The following ATP2B2 variants were observed in gnomAD, a reference collection of about 807,000 sequenced individuals.
The protein encoded by ATP2B2 is plasma membrane calcium-transporting ATPase 2.
ATP2B2 carries 15 observed loss-of-function variants against 120.0 expected under a neutral mutation model. The ratio of observed to expected loss-of-function variants is 0.12; its 90% confidence interval spans 0.08 to 0.19. The LOEUF (loss-of-function observed/expected upper bound fraction) is 0.19. Among genes scored for constraint, ATP2B2 ranks in the 10% least tolerant of loss-of-function variants. The pLI is 1.00. For missense variants in ATP2B2, 1,045 were observed against 1,719.8 expected, an observed-to-expected ratio of 0.61 and a Z score of 6.94; for synonymous variants, 694 against 700.3, an observed-to-expected ratio of 0.99 and a Z score of 0.14.
chr3:10,568,293 C>T (rs1472461249), intron 2 of ATP2B2, among the ~76,000 whole-genome samples: 2 of 152,204 alleles, frequency 1.3e-5, no homozygotes, highest in African/African-American at 2.4e-5. Flanking sequence ...GCTTGCTCAT[C>T]CAGTGCCATA....
chr3:10,439,081 AGGGCACTGCCCT>A (rs975769496), intron 2 of ATP2B2, among the ~76,000 whole-genome samples: 2 of 152,240 alleles, frequency 1.3e-5, no homozygotes, highest in Non-Finnish European at 1.5e-5. Flanking sequence ...CCAAGGGCCA[AGGGCACTGCCCT>A]GGCCTGGGCA....
chr3:10,371,023 C>T (rs1431081299), intron 12 of ATP2B2, among the ~76,000 whole-genome samples: 1 of 152,224 alleles, frequency 6.6e-6, no homozygotes, highest in East Asian at 1.9e-4. Context: ...ACAACAACAT[C>T]ATCAGTGGTA....
intron 3 of ATP2B2, among the ~76,000 whole-genome samples, chr3:10,519,177 C>G (rs574290765): frequency 2.6e-5 from 4 of 152,320 alleles, no homozygotes; most frequent in Non-Finnish European, 5.9e-5. Flanking sequence ...GGATTCAAAC[C>G]AGACTCCAGA....
intron 1 of ATP2B2, among the ~76,000 whole-genome samples, chr3:10,674,643 G>A (rs778618987): frequency 3.4e-4 from 51 of 152,224 alleles, no homozygotes; most frequent in Non-Finnish European, 6.3e-4. Context: ...GAGCAGTGCA[G>A]TAAATACTCA....
intron 1 of ATP2B2, among the ~76,000 whole-genome samples, chr3:10,656,120 G>T (rs1175350021): frequency 6.6e-6 from 1 of 152,192 alleles, no homozygotes; most frequent in East Asian, 1.9e-4. Flanking sequence ...CAGTGGGGAT[G>T]GCTGGGAGTT....
intron 2 of ATP2B2, chr3:10,570,261 T>G (rs1233249959): frequency 2.0e-5 from 3 of 152,220 alleles, no homozygotes; most frequent in Non-Finnish European, 4.4e-5. Context: ...GCTGGGAAAT[T>G]GAACTAGACA....
intron 5 of ATP2B2, among the ~76,000 whole-genome samples, chr3:10,399,886 C>G (rs76858428): frequency 0.029 from 4,447 of 152,330 alleles, 82 homozygotes; most frequent in Middle Eastern, 0.061. Context: ...TTGGCTTTCT[C>G]ACAACACCTT....
chr3:10,546,102 A>G (rs1473736401), intron 2 of ATP2B2, among the ~76,000 whole-genome samples: 1 of 152,242 alleles, frequency 6.6e-6, no homozygotes, highest in Admixed American at 6.5e-5. Context: ...GTAAACGTGC[A>G]TGGAAGAAAC....
intron 1 of ATP2B2, among the ~76,000 whole-genome samples, chr3:10,458,940 G>T (rs1415067137): frequency 6.6e-6 from 1 of 152,124 alleles, no homozygotes; most frequent in Non-Finnish European, 1.5e-5. Flanking sequence ...GTAAAATAAG[G>T]GTGCAATCTG....
intron 2 of ATP2B2, among the ~76,000 whole-genome samples, chr3:10,614,490 G>T (rs1388828373): frequency 1.3e-5 from 2 of 152,212 alleles, no homozygotes; most frequent in Non-Finnish European, 2.9e-5. Flanking sequence ...AAAGCACAAT[G>T]CGCCAGGTCA....
upstream of ATP2B2, chr3:10,505,710 CTGGGGGA>C (rs1317019753): frequency 9.3e-6 from 1 of 107,012 alleles, no homozygotes; most frequent in Non-Finnish European, 1.9e-5. Context: ...CTGCCGGAGG[CTGGGGGA>C]TGGGGGCGGG....
chr3:10,545,385 C>T lies in ATP2B2; in HGVS notation c.-414-11252G>A, dbSNP rs146928243. Among the ~76,000 whole-genome samples, 155 of 152,130 alleles carry T rather than the reference C, an allele frequency of 1.0e-3. 1 individual carries two copies. The highest frequency in any genetic ancestry group is 3.4e-3 in the African/African-American group (140 of 41,494). On this transcript the variant is annotated intron_variant, in intron 2 of 21. Coordinates refer to the ATP2B2 transcript ENST00000646379. ...TCTCTACAAAAATACAAAAATTAGC[C>T]GGGCATGATGGTGGGTGCCTGTAAT... is the stretch of plus-strand genomic sequence containing the variant.
intron 8 of ATP2B2, among the ~76,000 whole-genome samples, chr3:10,383,065 T>A (rs1384723828): frequency 6.6e-6 from 1 of 150,638 alleles, no homozygotes; most frequent in African/African-American, 2.4e-5. Flanking sequence ...TTTAATTTTT[T>A]AATTTTAATT....
At chr3:10,393,118 T>C (rs2061911617) in intron 5 of ATP2B2, among the ~76,000 whole-genome samples, 1 of 152,054 alleles carries the variant, frequency 6.6e-6, no homozygotes, top group African/African-American at 2.4e-5. Flanking sequence ...GCTCACAGTC[T>C]AGCTGGGGTC....
At position 10,359,849 on chromosome 3, in the gene ATP2B2, G is replaced by T. The variant is rs369090271; in HGVS notation, c.1901+33C>A. On this transcript the variant is annotated intron_variant, in intron 13 of 22. Transcript: ENST00000360273. ...CCCCAGCTCCCTGCACCAGGGCACA[G>T]CCCTCAGCCCCGGTGCCCTGCCCAG... 3 of 1,613,764 alleles carry T rather than the reference G, an allele frequency of 1.9e-6. No homozygotes were observed. In the African/African-American group the frequency reaches 4.0e-5, roughly 22 times the overall value.
At chr3:10,503,431 T>A (rs892956878) in intron 1 of ATP2B2, among the ~76,000 whole-genome samples, 1 of 152,248 alleles carries the variant, frequency 6.6e-6, no homozygotes, top group Non-Finnish European at 1.5e-5. Flanking sequence ...CTGAGTCTAA[T>A]CACAGCTCCC....
intron 2 of ATP2B2, among the ~76,000 whole-genome samples, chr3:10,441,821 C>T (rs542025585): frequency 1.3e-5 from 2 of 152,278 alleles, no homozygotes; most frequent in East Asian, 3.9e-4. Flanking sequence ...GGAGATGTTC[C>T]ATCAGTTCTA....
chr3:10,453,104 ATATC>A lies in ATP2B2; in HGVS notation c.-319-3246_-319-3243del, dbSNP rs534390261. 1.9e-3 allele frequency among the ~76,000 whole-genome samples: 288 copies of A among 152,318 alleles called. 4 individuals are homozygous for A. The highest frequency in any genetic ancestry group is 2.8e-3 in the Non-Finnish European group (193 of 68,034). The stretch of plus-strand genomic sequence containing the variant: ...CAAGCACTCTGAGTGTTTTACAGAA[ATATC>A]TATCTCAGAGACGCTGCAAGGCGTT... On this transcript the variant is annotated intron_variant, in intron 1 of 22. Coordinates refer to ENST00000360273, the MANE Select transcript of ATP2B2 (RefSeq NM_001001331.4).
At chr3:10,626,003 G>A (rs1313227094) in intron 1 of ATP2B2, 1 of 151,830 alleles carries the variant, frequency 6.6e-6, no homozygotes, top group Non-Finnish European at 1.5e-5. Flanking sequence ...CCCATTTATG[G>A]TAGCAATAAA....
Sources: allele counts gnomAD v4.1 joint callset (sites outside exome capture counted in the v4.1 genomes callset), GRCh38; gene constraint gnomAD v4.1.1; transcripts MANE v1.5; gene names NCBI Gene and HGNC (gene_info 2026-07-23, HGNC 2026-07-21).